The following DOCK8 variants were observed in gnomAD, a reference collection of about 807,000 sequenced individuals.
The protein encoded by DOCK8 is dedicator of cytokinesis protein 8.
DOCK8 carries 141 observed loss-of-function variants against 245.6 expected under a neutral mutation model. The observed-to-expected ratio is 0.57, with a 90% confidence interval of 0.50 to 0.66. The LOEUF is 0.66. Among genes scored for constraint, DOCK8 ranks in the 30% least tolerant of loss-of-function variants. The probability of loss-of-function intolerance (pLI) is 0.00; values close to 1 mark genes in which losing one functional copy is unlikely to be tolerated. For synonymous variants in DOCK8, 1,168 were observed against 970.2 expected (o/e 1.20, Z -3.79); for missense variants, 2,965 against 2,603.4 (o/e 1.14, Z -3.02).
At chr9:376,335 T>C (rs768127847) in intron 19 of DOCK8, 30 bp downstream of exon 19, 1 of 1,494,068 alleles carries the variant, frequency 6.7e-7, no homozygotes, top group Non-Finnish European at 9.3e-7. Flanking sequence ...ATCATGAAGG[T>C]AAAGGTGCAG....
At chr9:455,300 C>T (rs1259296803) in intron 46 of DOCK8, among the ~76,000 whole-genome samples, 2 of 152,016 alleles carry the variant, frequency 1.3e-5, no homozygotes, top group African/African-American at 2.4e-5. Context: ...TCAGGACCAG[C>T]CTGGGCAACA....
At chr9:275,039 T>A (rs956427406) in intron 2 of DOCK8, among the ~76,000 whole-genome samples, 1 of 152,224 alleles carries the variant, frequency 6.6e-6, no homozygotes, top group Non-Finnish European at 1.5e-5. Flanking sequence ...GTCAGGTGAA[T>A]CTGGGATGAG....
intron 1 of DOCK8, among the ~76,000 whole-genome samples, chr9:255,716 C>T (rs2047757269): frequency 6.9e-6 from 1 of 144,568 alleles, no homozygotes; most frequent in Non-Finnish European, 1.5e-5. Context: ...CTTTACCGTA[C>T]ATAACTTTAC....
intron 33 of DOCK8, among the ~76,000 whole-genome samples, chr9:425,400 C>CG: frequency 6.6e-6 from 1 of 151,992 alleles, no homozygotes. Flanking sequence ...GGCGCGGTGG[C>CG]GGGCGCCTGT....
chr9:345,901 G>A (rs987643413), intron 14 of DOCK8, among the ~76,000 whole-genome samples: 5 of 152,016 alleles, frequency 3.3e-5, no homozygotes, highest in African/African-American at 4.8e-5. Flanking sequence ...AAGTATCCCC[G>A]TGGGTCCGTG....
chr9:299,710 G>A (rs891093636), intron 4 of DOCK8, among the ~76,000 whole-genome samples: 1 of 151,780 alleles, frequency 6.6e-6, no homozygotes, highest in East Asian at 1.9e-4. Context: ...AAATTCAAGC[G>A]GCCAGGGGAT....
intron 1 of DOCK8, among the ~76,000 whole-genome samples, chr9:221,837 AT>A (rs1274641609): frequency 6.6e-6 from 1 of 151,842 alleles, no homozygotes; most frequent in African/African-American, 2.4e-5. Context: ...AAAAAAAAAA[AT>A]CATGAACAAC....
At chr9:354,059 C>G (rs1018352309) in intron 14 of DOCK8, among the ~76,000 whole-genome samples, 2 of 152,082 alleles carry the variant, frequency 1.3e-5, no homozygotes, top group Non-Finnish European at 2.9e-5. Flanking sequence ...TGGCCGGGCA[C>G]GGTGGCTCAC....
intron 28 of DOCK8, among the ~76,000 whole-genome samples, chr9:412,403 T>G (rs1586955295): frequency 1.5e-5 from 1 of 68,750 alleles, no homozygotes; most frequent in African/African-American, 7.6e-5. Context: ...AGACCCTGTC[T>G]CAAAAAAAAA....
chr9:351,834 T>A (rs1294930988), intron 14 of DOCK8, among the ~76,000 whole-genome samples: 5 of 152,250 alleles, frequency 3.3e-5, no homozygotes, highest in Admixed American at 1.3e-4. Flanking sequence ...GCCAGTGGCA[T>A]GTAAACCCTG....
chr9:305,779 A>G (rs1343227833), intron 5 of DOCK8, among the ~76,000 whole-genome samples: 2 of 152,224 alleles, frequency 1.3e-5, no homozygotes, highest in Non-Finnish European at 2.9e-5. Context: ...ACGGCCAAAG[A>G]ACAATAGCCA....
At chr9:370,154 C>A in intron 15 of DOCK8, 76 bp from the exon 16 acceptor site, 1 of 1,255,690 alleles carries the variant, frequency 8.0e-7, no homozygotes, top group Non-Finnish European at 1.2e-6. Flanking sequence ...CCAGAACATC[C>A]TGTTGGCCTG....
At position 414,847 on chromosome 9, in the gene DOCK8, AC is replaced by A. The variant is rs1440318035; in HGVS notation, c.3599del (p.Pro1200HisfsTer8). The A allele has an allele frequency of 3.1e-6, 5 of 1,614,220 alleles. No individual in the cohort carries two copies. Among genetic ancestry groups the A allele is most frequent in the Non-Finnish European group, 4.2e-6 (5 of 1,180,030 alleles). ...AGCCTGCTAAGTTCTCACGACCTGGACCCACGCTGTGTCAAACCAGAGGTGA... is the reference window on the plus strand; with the variant it reads ...AGCCTGCTAAGTTCTCACGACCTGGACCACGCTGTGTCAAACCAGAGGTGA... The part of the protein sequence containing the change: ...IHSLLSSHDL[D>X]PRCVKPEVKV... On this transcript the variant is annotated frameshift_variant, in exon 29 of 48. Transcript: ENST00000432829. LOFTEE classifies it high-confidence loss of function.
At chr9:412,220 A>G (rs750114821) in intron 28 of DOCK8, among the ~76,000 whole-genome samples, 3 of 152,128 alleles carry the variant, frequency 2.0e-5, no homozygotes, top group Non-Finnish European at 4.4e-5. Flanking sequence ...CCTGAGCAAC[A>G]TGGCAAAACG....
upstream of DOCK8, chr9:214,198 C>A: frequency 2.7e-6 from 1 of 371,750 alleles, no homozygotes; most frequent in Non-Finnish European, 4.9e-6. Context: ...TGAGGCCGGG[C>A]TTCTTAGCAG....
chr9:372,047 A>G lies in DOCK8; in HGVS notation c.2008-138A>G. The G allele has an allele frequency of 1.2e-5, 9 of 767,000 alleles. 2 individuals carry two copies. In the South Asian group the frequency reaches 1.2e-4, roughly 10 times the overall value. 47.5% of individuals were successfully genotyped at this position (767,000 alleles called of 1,614,324 possible). A position where few individuals can be genotyped will look rare whatever the true frequency, so the allele number is the denominator to read the frequency against. ...GGAGATTTAAAATGCAAAGAACTGG[A>G]CAGAAATTACTGCCAAAAAGAGTAC... On this transcript the variant is annotated intron_variant, in intron 17 of 47. Coordinates refer to ENST00000432829, the MANE Select transcript of DOCK8 (RefSeq NM_203447.4).
chr9:227,598 T>G (rs186590778), intron 1 of DOCK8, among the ~76,000 whole-genome samples: 9 of 152,302 alleles, frequency 5.9e-5, no homozygotes, highest in African/African-American at 2.2e-4. Context: ...TTTGAATTGT[T>G]TGTTATCTCA....
chr9:241,991 G>C (rs996003521), intron 1 of DOCK8, among the ~76,000 whole-genome samples: 2 of 152,178 alleles, frequency 1.3e-5, no homozygotes, highest in Non-Finnish European at 2.9e-5. Flanking sequence ...CCACAAAGAA[G>C]AGCAGCTTAA....
chr9:457,056 A>C (rs2057664142), intron 46 of DOCK8: 1 of 152,252 alleles, frequency 6.6e-6, no homozygotes, highest in African/African-American at 2.4e-5. Context: ...GTCTATGAAG[A>C]GGAAGGAGAA....
Sources: gnomAD v4.1 joint callset for allele counts (sites outside exome capture counted in the v4.1 genomes callset) on GRCh38, gnomAD v4.1.1 for gene constraint, MANE v1.5 for transcripts, NCBI Gene and HGNC (gene_info 2026-07-23, HGNC 2026-07-21) for gene names.